ABCC5: variants seen among roughly 807,000 people sequenced by gnomAD.
ABCC5 encodes ATP binding cassette subfamily C member 5, also known as ATP-binding cassette sub-family C member 5.
ABCC5 carries 61 observed loss-of-function variants against 160.9 expected under a neutral mutation model. That is an observed-to-expected ratio of 0.38 (90% CI 0.31 to 0.47). The LOEUF is 0.47. ABCC5 is among the 20% of genes least tolerant of loss of function. ABCC5 has a pLI of 0.99. For missense variants in ABCC5, 1,308 were observed against 1,813.3 expected (o/e 0.72, Z 5.06); for synonymous variants, 666 against 700.6 (o/e 0.95, Z 0.78).
chr3:183,957,903 T>C (rs1251284668), intron 17 of ABCC5, among the ~76,000 whole-genome samples: 2 of 149,214 alleles, frequency 1.3e-5, no homozygotes, highest in East Asian at 2.0e-4. Context: ...ATCGGTTACA[T>C]GCGGATCCGT....
At chr3:183,996,839 G>A (rs894438282) in intron 2 of ABCC5, among the ~76,000 whole-genome samples, 1 of 152,150 alleles carries the variant, frequency 6.6e-6, no homozygotes. Context: ...TCTAAGCAAC[G>A]AACTTTCCAA....
intron 2 of ABCC5, among the ~76,000 whole-genome samples, chr3:184,002,886 C>CA (rs1490194954): frequency 2.0e-5 from 3 of 152,202 alleles, no homozygotes; most frequent in Non-Finnish European, 2.9e-5. Context: ...CAACTGGCAA[C>CA]AGAGAGGTAC....
At position 183,992,633 on chromosome 3, in the gene ABCC5, CA is replaced by C. The variant is rs368019535; in HGVS notation, c.130-3251del. 3.5e-3 allele frequency among the ~76,000 whole-genome samples: 534 copies of C among 151,784 alleles called. 4 individuals are homozygous for C. Among genetic ancestry groups the C allele is most frequent in the African/African-American group, 0.012 (515 of 41,418 alleles). The stretch of plus-strand genomic sequence containing the variant: ...ACCCCGTCTCTACTAAAAAAAAATA[CA>C]AAAAATTAGCTGGGCGCCATGGCAG... On this transcript the variant is annotated intron_variant, in intron 2 of 29. Transcript: ENST00000334444.
At position 183,951,962 on chromosome 3, in the gene ABCC5, GT is replaced by G; in HGVS notation, c.2708del (p.Asp903AlafsTer3). The part of the protein sequence containing the change: ...VTRGNETSVS[D>X]SMKDNPHMQY... ...GCATATGAGGATTGTCCTTCATGCT[GT>G]CACTCACCGAGGTCTCGTTCCCTCG... is the stretch of plus-strand genomic sequence containing the variant. On this transcript the variant is annotated frameshift_variant, in exon 19 of 30. Coordinates refer to ENST00000334444, the MANE Select transcript of ABCC5 (RefSeq NM_005688.4). LOFTEE classifies it high-confidence loss of function. This position sits in a 1 kb window ranked among gnomAD's most constrained non-coding sequence, Gnocchi z 4.7. The G allele has an allele frequency of 6.2e-7, 1 of 1,612,930 alleles. No individual in the cohort carries two copies. The highest frequency in any genetic ancestry group is 8.5e-7 in the Non-Finnish European group (1 of 1,179,052).
intron 1 of ABCC5, among the ~76,000 whole-genome samples, chr3:184,016,642 T>C (rs1179118361): frequency 6.6e-6 from 1 of 152,196 alleles, no homozygotes; most frequent in Non-Finnish European, 1.5e-5. Flanking sequence ...TTGCCTCAGC[T>C]ATCAAGAGAG....
intron 12 of ABCC5, chr3:183,967,158 A>C: frequency 6.3e-6 from 1 of 157,830 alleles, no homozygotes; most frequent in Non-Finnish European, 1.4e-5. Context: ...CTGCCTGGAG[A>C]TGTGCTTGTT....
intron 24 of ABCC5, among the ~76,000 whole-genome samples, chr3:183,945,488 G>A (rs1342830700): frequency 6.6e-6 from 1 of 152,100 alleles, no homozygotes; most frequent in East Asian, 1.9e-4. Context: ...GCTCAGCAGG[G>A]GGTCCTGATG....
intron 2 of ABCC5, among the ~76,000 whole-genome samples, chr3:184,007,970 T>C (rs184423726): frequency 1.3e-5 from 2 of 152,388 alleles, no homozygotes; most frequent in Admixed American, 1.3e-4. Flanking sequence ...TTCTTTTGCC[T>C]GGCAAGTTCT....
chr3:183,926,970 G>A (rs762974348), intron 28 of ABCC5, among the ~76,000 whole-genome samples: 27 of 151,500 alleles, frequency 1.8e-4, no homozygotes, highest in Non-Finnish European at 3.4e-4. Flanking sequence ...ACTTGAACCT[G>A]GGAGGTGGAG....
intron 2 of ABCC5, among the ~76,000 whole-genome samples, chr3:184,002,320 A>G (rs1385874404): frequency 6.6e-6 from 1 of 151,794 alleles, no homozygotes. Flanking sequence ...AATTGCTTGA[A>G]CCAAGGAGGC....
intron 25 of ABCC5, among the ~76,000 whole-genome samples, chr3:183,938,914 T>C (rs1224422554): frequency 1.3e-5 from 2 of 152,194 alleles, no homozygotes; most frequent in Admixed American, 6.5e-5. Flanking sequence ...CCTACTGTGA[T>C]AGGAAACTAT....
intron 2 of ABCC5, among the ~76,000 whole-genome samples, chr3:184,010,838 C>A (rs1481341570): frequency 7.4e-6 from 1 of 134,926 alleles, no homozygotes; most frequent in Non-Finnish European, 1.5e-5. Flanking sequence ...CACTCTGTTG[C>A]CCAGGCTGGA....
chr3:183,951,181 A>G lies in ABCC5; in HGVS notation c.2944+260T>C, dbSNP rs894369332. Among the ~76,000 whole-genome samples, 1 of 152,230 alleles carries G rather than the reference A, an allele frequency of 6.6e-6. No individual in the cohort carries two copies. Among genetic ancestry groups the G allele is most frequent in the Non-Finnish European group, 1.5e-5 (1 of 68,032 alleles). On this transcript the variant is annotated intron_variant, in intron 20 of 29. Coordinates refer to ENST00000334444, the MANE Select transcript of ABCC5 (RefSeq NM_005688.4). This position sits in a 1 kb window ranked among gnomAD's most constrained non-coding sequence, Gnocchi z 4.7. ...CCAGGTTGTAGGCATCCAGAAACCA[A>G]TGCATTGCTTTAAAATCTGTGTGTG...
At chr3:183,932,315 G>A (rs1303407825) in intron 26 of ABCC5, among the ~76,000 whole-genome samples, 1 of 152,122 alleles carries the variant, frequency 6.6e-6, no homozygotes, top group African/African-American at 2.4e-5. Flanking sequence ...AAGTTAAGAG[G>A]AAAAAGTAGA....
At chr3:183,965,632 A>G (rs1195672737) in intron 12 of ABCC5, 131 bp from the exon 13 acceptor site, 1 of 1,206,678 alleles carries the variant, frequency 8.3e-7, no homozygotes, top group Non-Finnish European at 1.2e-6. Context: ...CCAAATCCAG[A>G]TTCCACCTTT....
intron 26 of ABCC5, among the ~76,000 whole-genome samples, chr3:183,929,857 A>C (rs1577455992): frequency 6.6e-6 from 1 of 152,116 alleles, no homozygotes; most frequent in East Asian, 1.9e-4. Context: ...AGCTCAAGTG[A>C]TGAGCCTACC....
chr3:183,953,794 AAC>A (rs1715611194), intron 17 of ABCC5, among the ~76,000 whole-genome samples: 1 of 152,156 alleles, frequency 6.6e-6, no homozygotes, highest in Non-Finnish European at 1.5e-5. Context: ...GGGGTAGCAA[AAC>A]ACACCACCAC....
rs905403409 is a variant in ABCC5 at position 183,988,963 on chromosome 3, A to G, written c.288-236T>C. Among the ~76,000 whole-genome samples, 3 of 151,936 alleles carry G rather than the reference A, an allele frequency of 2.0e-5. No homozygotes were observed. Among genetic ancestry groups the G allele is most frequent in the African/African-American group, 7.3e-5 (3 of 41,340 alleles). ...GGCAGATCATGAGGTCAGGAGATTGAGACTATCCTGGCCAATATGGTGTAA... is the reference window on the plus strand; with the variant it reads ...GGCAGATCATGAGGTCAGGAGATTGGGACTATCCTGGCCAATATGGTGTAA... On this transcript the variant is annotated intron_variant, in intron 3 of 29. Coordinates refer to ENST00000334444, the MANE Select transcript of ABCC5 (RefSeq NM_005688.4). The surrounding 1 kb of genome is among the most constrained non-coding windows in gnomAD (Gnocchi z 4.4).
chr3:183,961,688 G>T, intron 15 of ABCC5, 34 bp from the exon 16 acceptor site: 1 of 1,612,384 alleles, frequency 6.2e-7, no homozygotes, highest in Non-Finnish European at 8.5e-7. Flanking sequence ...ACAATATGCT[G>T]TTTGTGCAAA....
Sources: allele counts gnomAD v4.1 joint callset (sites outside exome capture counted in the v4.1 genomes callset), GRCh38; gene constraint gnomAD v4.1.1; non-coding constraint Gnocchi (gnomAD v3.1); transcripts MANE v1.5; gene names NCBI Gene and HGNC (gene_info 2026-07-23, HGNC 2026-07-21).